The following FUT9 variants were observed in gnomAD, a reference collection of about 807,000 sequenced individuals.
FUT9 encodes fucosyltransferase 9.
In FUT9, 15 loss-of-function variants were observed where a neutral mutation model predicts 29.7. The observed-to-expected ratio is 0.51, with a 90% CI of 0.34 to 0.78. The LOEUF (loss-of-function observed/expected upper bound fraction) is 0.78, where lower values mean the gene tolerates loss of function less well. Ranked by LOEUF, FUT9 falls within the 30% of genes least tolerant of loss-of-function variation. The pLI is 0.01. For synonymous variants in FUT9, 169 were observed against 153.7 expected (o/e 1.10, Z -0.74); for missense variants, 319 against 425.4 (o/e 0.75, Z 2.20).
chr6:96,079,532 G>T (rs1381250574), intron 1 of FUT9, among the ~76,000 whole-genome samples: 2 of 152,094 alleles, frequency 1.3e-5, no homozygotes, highest in African/African-American at 2.4e-5. Context: ...TTGTTGAAAG[G>T]CAAGAAAATA....
chr6:96,161,800 C>T (rs528989386), intron 2 of FUT9, among the ~76,000 whole-genome samples: 75 of 152,334 alleles, frequency 4.9e-4, no homozygotes, highest in African/African-American at 1.8e-3. Context: ...CAAAAAAATA[C>T]ATCCACTTCA....
chr6:96,054,867 G>A (rs1214429317), intron 1 of FUT9, among the ~76,000 whole-genome samples: 1 of 152,106 alleles, frequency 6.6e-6, no homozygotes, highest in Admixed American at 6.5e-5. Context: ...TTATAAGAGT[G>A]CCTGACACAT....
intron 2 of FUT9, among the ~76,000 whole-genome samples, chr6:96,191,446 T>C (rs1282068302): frequency 6.6e-6 from 1 of 152,136 alleles, no homozygotes; most frequent in Non-Finnish European, 1.5e-5. Flanking sequence ...GAGAATGCTA[T>C]AAACACCTCT....
intron 2 of FUT9, among the ~76,000 whole-genome samples, chr6:96,159,134 T>A (rs1458390093): frequency 6.6e-6 from 1 of 152,186 alleles, no homozygotes; most frequent in African/African-American, 2.4e-5. Flanking sequence ...ATTTTAGAGT[T>A]AGAGAAAATA....
intron 1 of FUT9, among the ~76,000 whole-genome samples, chr6:96,069,216 C>G (rs9485644): frequency 0.57 from 86,425 of 151,762 alleles, 24,725 homozygotes; most frequent in South Asian, 0.64. Flanking sequence ...TCGGGAGGCA[C>G]AGGCAGGAGC....
In FUT9 at chr6:96,109,342, G is replaced by A. The variant is rs184584059; in HGVS notation, c.-97-4697G>A. ...CTTTTATATTTATAGATTGTATAGTGTTTTTCTTAATCATTTGCACTAACT... is the reference window on the plus strand; with the variant it reads ...CTTTTATATTTATAGATTGTATAGTATTTTTCTTAATCATTTGCACTAACT... On this transcript the variant is annotated intron_variant, in intron 1 of 2. Coordinates refer to ENST00000302103, the MANE Select transcript of FUT9 (RefSeq NM_006581.4). 7.9e-3 allele frequency among the ~76,000 whole-genome samples: 1,205 copies of A among 152,128 alleles called. 25 individuals are homozygous for A. Among genetic ancestry groups the A allele is most frequent in the African/African-American group, 0.028 (1,150 of 41,498 alleles).
At chr6:96,147,767 A>G (rs1772599294) in intron 2 of FUT9, among the ~76,000 whole-genome samples, 1 of 151,552 alleles carries the variant, frequency 6.6e-6, no homozygotes, top group Non-Finnish European at 1.5e-5. Context: ...CAGAGTGCTA[A>G]CACATCAGTT....
At position 96,114,527 on chromosome 6, in the gene FUT9, T is replaced by C. The variant is rs956074248; in HGVS notation, c.-9+400T>C. 2.6e-5 allele frequency among the ~76,000 whole-genome samples: 4 copies of C among 151,800 alleles called. No homozygotes were observed. In the East Asian group the frequency reaches 7.7e-4, roughly 29 times the overall value. On this transcript the variant is annotated intron_variant, in intron 2 of 2. Coordinates refer to ENST00000302103, the MANE Select transcript of FUT9 (RefSeq NM_006581.4). ...TTGAATTTTGGTCAATTTCTTTTTA[T>C]ATTAGTTATCTTTTGAAAATGGGTT...
chr6:96,142,452 A>G (rs1178563002), intron 2 of FUT9, among the ~76,000 whole-genome samples: 1 of 152,192 alleles, frequency 6.6e-6, no homozygotes, highest in Non-Finnish European at 1.5e-5. Flanking sequence ...CCAAAAGTGA[A>G]CAAGAGGCCA....
chr6:96,126,852 T>C (rs1772143028), intron 2 of FUT9, among the ~76,000 whole-genome samples: 1 of 152,188 alleles, frequency 6.6e-6, no homozygotes, highest in Non-Finnish European at 1.5e-5. Context: ...ATGAGAAATA[T>C]AAAGTGATGA....
intron 1 of FUT9, among the ~76,000 whole-genome samples, chr6:96,033,399 T>A (rs1770298112): frequency 6.6e-6 from 1 of 151,638 alleles, no homozygotes; most frequent in Non-Finnish European, 1.5e-5. Flanking sequence ...TTTTCATGAT[T>A]GATGAGACAG....
chr6:96,182,392 A>G (rs980401612), intron 2 of FUT9, among the ~76,000 whole-genome samples: 5 of 151,852 alleles, frequency 3.3e-5, no homozygotes, highest in Admixed American at 6.6e-5. Flanking sequence ...TCTGCTGACT[A>G]TTCCTTTTCC....
intron 2 of FUT9, among the ~76,000 whole-genome samples, chr6:96,158,697 C>T (rs6571086): frequency 0.16 from 24,123 of 151,998 alleles, 2,123 homozygotes; most frequent in African/African-American, 0.19. Flanking sequence ...CCATCTCTTC[C>T]GCTTCCATAA....
rs1363996965 is a variant in FUT9, at chr6:96,208,573, G to A, written c.*4338G>A. 1 of 166,772 alleles carries A rather than the reference G, an allele frequency of 6.0e-6. No individual in the cohort carries two copies. Among genetic ancestry groups the A allele is most frequent in the Non-Finnish European group, 1.5e-5 (1 of 67,966 alleles). The allele number at this position is 166,772 out of a possible 1,614,324, so 10.3% of individuals were successfully genotyped here. ...TGACAATGTTTATTGGTACCAATTG[G>A]AGATGATATTTTATATTTATTTTGT... On this transcript the variant is annotated 3_prime_UTR_variant, in exon 3 of 3. Coordinates refer to ENST00000302103, the MANE Select transcript of FUT9 (RefSeq NM_006581.4).
chr6:96,140,165 G>T (rs904350665), intron 2 of FUT9, among the ~76,000 whole-genome samples: 1 of 152,110 alleles, frequency 6.6e-6, no homozygotes, highest in African/African-American at 2.4e-5. Flanking sequence ...CAGTATCTTT[G>T]CATAGCAAGA....
At chr6:96,197,938 C>A (rs1226274791) in intron 2 of FUT9, among the ~76,000 whole-genome samples, 1 of 152,168 alleles carries the variant, frequency 6.6e-6, no homozygotes, top group Non-Finnish European at 1.5e-5. Flanking sequence ...CACCAAAAAT[C>A]AAAACTTACA....
At chr6:96,155,106 A>G (rs1455718991) in intron 2 of FUT9, among the ~76,000 whole-genome samples, 1 of 152,214 alleles carries the variant, frequency 6.6e-6, no homozygotes, top group Non-Finnish European at 1.5e-5. Flanking sequence ...TCTCAATTCT[A>G]CAGCAGTCAA....
intron 2 of FUT9, among the ~76,000 whole-genome samples, chr6:96,134,723 T>A (rs1236377432): frequency 6.6e-6 from 1 of 151,926 alleles, no homozygotes; most frequent in Non-Finnish European, 1.5e-5. Flanking sequence ...TAAAGTTGAA[T>A]AATTTTCCAA....
At chr6:96,086,710 G>A (rs1222754371) in intron 1 of FUT9, among the ~76,000 whole-genome samples, 1 of 152,010 alleles carries the variant, frequency 6.6e-6, no homozygotes, top group African/African-American at 2.4e-5. Flanking sequence ...ATCTGGCTTT[G>A]ACCACAGAGT....
Sources: allele counts gnomAD v4.1 joint callset (sites outside exome capture counted in the v4.1 genomes callset), GRCh38; gene constraint gnomAD v4.1.1; transcripts MANE v1.5; gene names NCBI Gene and HGNC (gene_info 2026-07-23, HGNC 2026-07-21).